ABCA3: variants seen among roughly 807,000 people sequenced by gnomAD.
The protein encoded by ABCA3 is phospholipid-transporting ATPase ABCA3.
In ABCA3, 88 loss-of-function variants were observed where a neutral mutation model predicts 172.8. The ratio of observed to expected loss-of-function variants is 0.51; its 90% CI spans 0.43 to 0.61. The LOEUF (loss-of-function observed/expected upper bound fraction) is 0.61, where lower values mean the gene tolerates loss of function less well. Among genes scored for constraint, ABCA3 ranks in the 20% least tolerant of loss-of-function variants. The pLI, the probability that ABCA3 is intolerant of heterozygous loss-of-function variation, is 0.00. For synonymous variants in ABCA3, 1,066 were observed against 983.8 expected (o/e 1.08, Z -1.56); for missense variants, 2,164 against 2,301.0 (o/e 0.94, Z 1.22).
At chr16:2,308,313 G>A (rs948432627) in intron 11 of ABCA3, 137 bp downstream of exon 11, 17 of 1,059,094 alleles carry the variant, frequency 1.6e-5, no homozygotes, top group African/African-American at 3.1e-5. Context: ...CGCTGTATGC[G>A]GATGCTGCTG....
intron 12 of ABCA3, among the ~76,000 whole-genome samples, chr16:2,303,466 T>A (rs2141714774): frequency 6.6e-6 from 1 of 151,682 alleles, no homozygotes; most frequent in African/African-American, 2.4e-5. Context: ...GAGATGGGAT[T>A]TCACCTTGTT....
rs369686350 is a variant in ABCA3, at chr16:2,324,439, G to T, written c.412C>A (p.Pro138Thr). 1.7e-5 allele frequency: 27 copies of T among 1,606,590 alleles called. No individual in the cohort carries two copies. The Middle Eastern group carries it at 6.6e-4, about 39-fold the overall frequency. ...AGGGGCTCCTTGCTGTGGTTGAAGG[G>T]GTGCTCGAAGACCACGGCGGCCAGC... ...SVLAAVVFEH[P>T]FNHSKEPLPL... Residue 138 changes from proline to threonine, a missense_variant, in exon 6 of 33, where the codon CCC (proline) becomes ACC (threonine). Pro to Thr is a conservative substitution (Grantham distance 38). Transcript: ENST00000301732.
At chr16:2,304,899 T>C (rs1318281900) in intron 11 of ABCA3, among the ~76,000 whole-genome samples, 1 of 152,066 alleles carries the variant, frequency 6.6e-6, no homozygotes, top group Non-Finnish European at 1.5e-5. Context: ...GTGGTCTCGA[T>C]CTCCTGACCT....
At position 2,285,554 on chromosome 16, in the gene ABCA3, G is replaced by T. The variant is rs2093661688; in HGVS notation, c.3371C>A (p.Ala1124Asp). 1 of 1,589,260 alleles carries T rather than the reference G, an allele frequency of 6.3e-7. No homozygotes were observed. The highest frequency in any genetic ancestry group is 1.3e-5 in the African/African-American group (1 of 74,478). Residue 1124 changes from alanine to aspartate, a missense_variant, in exon 23 of 33, where the codon GCC becomes GAC. Physicochemically the swap from Ala to Asp is moderately radical, Grantham distance 126 (BLOSUM62 -2). Transcript: ENST00000301732. The surrounding 1 kb of genome is among the most constrained non-coding windows in gnomAD (Gnocchi z 4.7). ...TFSILAVSER[A>D]VQAKHVQFVS... ...AAACTGCACATGCTTGGCCTGCACG[G>T]CCCTCTCGCTGACCGCCAGGATGGA... is the stretch of plus-strand genomic sequence containing the variant.
At chr16:2,332,271 ATC>A (rs2093744454) in intron 1 of ABCA3, 2 of 511,616 alleles carry the variant, frequency 3.9e-6, no homozygotes, top group Admixed American at 3.0e-5. Context: ...ATCCTTCAAA[ATC>A]TGTTTATTAT....
At chr16:2,314,367 C>T (rs1198253656) in intron 10 of ABCA3, among the ~76,000 whole-genome samples, 2 of 150,836 alleles carry the variant, frequency 1.3e-5, no homozygotes, top group Admixed American at 1.3e-4. Flanking sequence ...CCAGGCACAG[C>T]ATATAAACAC....
At chr16:2,323,304 G>A (rs1308052638) in intron 7 of ABCA3, 1 of 621,318 alleles carries the variant, frequency 1.6e-6, no homozygotes, top group Non-Finnish European at 2.8e-6. Context: ...CCCATTACTG[G>A]GTATATACCC....
At chr16:2,304,500 C>CTTTTTT (rs34874417) in intron 11 of ABCA3, among the ~76,000 whole-genome samples, 54 of 84,040 alleles carry the variant, frequency 6.4e-4, no homozygotes, top group Non-Finnish European at 8.1e-4. Flanking sequence ...TAGCATAAGT[C>CTTTTTT]TTTTTTTTTT....
chr16:2,332,275 G>C (rs2093744459), intron 1 of ABCA3: 1 of 513,954 alleles, frequency 1.9e-6, no homozygotes, highest in African/African-American at 2.1e-5. Context: ...TTCAAAATCT[G>C]TTTATTATAC....
At chr16:2,302,821 C>G (rs1372528383) in intron 12 of ABCA3, among the ~76,000 whole-genome samples, 2 of 149,202 alleles carry the variant, frequency 1.3e-5, no homozygotes, top group Non-Finnish European at 3.0e-5. Context: ...TGGAGTCTCG[C>G]TCTGTCGCCC....
At position 2,284,112 on chromosome 16, in the gene ABCA3, C is replaced by T. The variant is rs554281377; in HGVS notation, c.3862+167G>A. On this transcript the variant is annotated intron_variant, in intron 25 of 32. Transcript: ENST00000301732. The surrounding 1 kb of genome is among the most constrained non-coding windows in gnomAD (Gnocchi z 5.9). ...CTCAGGTACAGGGCCTGGGAGCGAG[C>T]GGGCGCGAGGGGGCTGCTGTGGGAG... 42 of 797,024 alleles carry T rather than the reference C, an allele frequency of 5.3e-5. No individual in the cohort carries two copies. The highest frequency in any genetic ancestry group is 4.5e-4 in the African/African-American group (26 of 57,226). The allele number at this position is 797,024 out of a possible 1,614,324, so 49.4% of individuals were successfully genotyped here.
At position 2,283,327 on chromosome 16, in the gene ABCA3, C is replaced by T; in HGVS notation, c.3894G>A (p.Trp1298Ter). 1 of 1,613,174 alleles carries T rather than the reference C, an allele frequency of 6.2e-7. No individual in the cohort carries two copies. Among genetic ancestry groups the T allele is most frequent in the Non-Finnish European group, 8.5e-7 (1 of 1,179,994 alleles). The change falls in exon 26 of 33, where the codon TGG becomes TGA. Residue 1298 changes from tryptophan (W) to a stop codon, truncating the protein, a stop_gained. Transcript: ENST00000301732. LOFTEE classifies it high-confidence loss of function. The surrounding 1 kb of genome is among the most constrained non-coding windows in gnomAD (Gnocchi z 5.4). ...CAAACCGGCCGACCCCCGGGGCGCT[C>T]CAGGCATAGAAGTTCTCCTGGTACT... The part of the protein sequence containing the change: ...NIQYQENFYA[W>*]SAPGVGRFVA...
chr16:2,321,508 C>T (rs2093726042), intron 7 of ABCA3, among the ~76,000 whole-genome samples: 1 of 152,194 alleles, frequency 6.6e-6, no homozygotes, highest in Admixed American at 6.5e-5. Context: ...TCCATGAGTT[C>T]TGTCTCCTGC....
rs1274298890 is a variant in ABCA3 at position 2,277,222 on chromosome 16, A to T, written c.4983+375T>A. Reference sequence around the variant, plus strand: ...GCGATCCTCCCACCTTAGCCTCCCGAGTGGCTGGGACTACAGGTATGCATG... The same window carrying T: ...GCGATCCTCCCACCTTAGCCTCCCGTGTGGCTGGGACTACAGGTATGCATG... On this transcript the variant is annotated intron_variant, in intron 32 of 32. Transcript: ENST00000301732. The surrounding 1 kb of genome is among the most constrained non-coding windows in gnomAD (Gnocchi z 5.3). 6.6e-6 allele frequency among the ~76,000 whole-genome samples: 1 copy of T among 151,972 alleles called. No individual in the cohort carries two copies. Among genetic ancestry groups the T allele is most frequent in the Non-Finnish European group, 1.5e-5 (1 of 67,984 alleles).
At position 2,277,754 on chromosome 16, in the gene ABCA3, C is replaced by T. The variant is rs1367350770; in HGVS notation, c.4910-84G>A. 32 of 1,594,646 alleles carry T rather than the reference C, an allele frequency of 2.0e-5. No individual in the cohort carries two copies. Among genetic ancestry groups the T allele is most frequent in the South Asian group, 1.8e-4 (16 of 89,628 alleles). The stretch of plus-strand genomic sequence containing the variant: ...CCTGGGTGCTCAGCACTGGAGTCCT[C>T]GTCCCAGGGATTGGGGAGATGGGAC... On this transcript the variant is annotated intron_variant, in intron 31 of 32. Transcript: ENST00000301732. This position sits in a 1 kb window ranked among gnomAD's most constrained non-coding sequence, Gnocchi z 5.3.
rs75450651 is a variant in ABCA3, at chr16:2,308,176, C to T, written c.1285+274G>A. ...GTGCCAACGCTGCTGGATGCTCCAA[C>T]CCTCTTGTCCTCCGAGCTTTGGGCT... On this transcript the variant is annotated intron_variant, in intron 11 of 32. Coordinates refer to ENST00000301732, the MANE Select transcript of ABCA3 (RefSeq NM_001089.3). 0.018 allele frequency among the ~76,000 whole-genome samples: 2,702 copies of T among 151,342 alleles called. 86 individuals carry two copies. Among genetic ancestry groups the T allele is most frequent in the African/African-American group, 0.061 (2,538 of 41,342 alleles).
chr16:2,333,652 T>C (rs2093746909), intron 1 of ABCA3, among the ~76,000 whole-genome samples: 1 of 152,124 alleles, frequency 6.6e-6, no homozygotes, highest in Non-Finnish European at 1.5e-5. Context: ...TGGGCACTTG[T>C]ACAAGGTACT....
chr16:2,280,637 G>C (rs1218163284), intron 28 of ABCA3, among the ~76,000 whole-genome samples: 1 of 152,146 alleles, frequency 6.6e-6, no homozygotes, highest in Admixed American at 6.5e-5. Flanking sequence ...GTCCTTCTGC[G>C]GGGGAGCTGG....
intron 15 of ABCA3, 95 bp downstream of exon 15, chr16:2,298,291 G>C: frequency 8.9e-6 from 14 of 1,566,042 alleles, no homozygotes; most frequent in Non-Finnish European, 1.2e-5. Context: ...TGCCCTCCTG[G>C]CTCCCTTCCT....
Sources: allele counts gnomAD v4.1 joint callset (sites outside exome capture counted in the v4.1 genomes callset), GRCh38; gene constraint gnomAD v4.1.1; non-coding constraint Gnocchi (gnomAD v3.1); transcripts MANE v1.5; gene names NCBI Gene and HGNC (gene_info 2026-07-23, HGNC 2026-07-21).